The following ZNF827 variants were observed in gnomAD, a reference collection of about 807,000 sequenced individuals.
ZNF827 encodes zinc finger protein 827.
ZNF827 carries 13 observed loss-of-function variants against 102.4 expected under a neutral mutation model. The observed-to-expected ratio is 0.13, with a 90% CI of 0.08 to 0.20. The LOEUF (loss-of-function observed/expected upper bound fraction) is 0.20. ZNF827 is among the 10% of genes least tolerant of loss of function. The pLI, the probability that ZNF827 is intolerant of heterozygous loss-of-function variation, is 1.00. For synonymous variants in ZNF827, 523 were observed against 536.2 expected (o/e 0.98, Z 0.34); for missense variants, 1,103 against 1,344.4 (o/e 0.82, Z 2.81).
intron 8 of ZNF827, among the ~76,000 whole-genome samples, chr4:145,818,301 T>C (rs1158060510): frequency 6.6e-6 from 1 of 152,232 alleles, no homozygotes. Context: ...TGAATTCCTG[T>C]GCTGCCCCTC....
intron 8 of ZNF827, among the ~76,000 whole-genome samples, chr4:145,793,319 A>AATATATATATG (rs1560931107): frequency 5.8e-5 from 8 of 137,816 alleles, no homozygotes; most frequent in South Asian, 2.2e-4. Context: ...ACTTATATAT[A>AATATATATATG]ATATATATCT....
chr4:145,859,042 G>T (rs59003981), intron 5 of ZNF827, among the ~76,000 whole-genome samples: 42,685 of 151,772 alleles, frequency 0.28, 6,472 homozygotes, highest in Non-Finnish European at 0.34. Context: ...CAAGGATATC[G>T]CTGCTGAAAA....
chr4:145,933,825 C>T (rs1035601585), intron 1 of ZNF827, among the ~76,000 whole-genome samples: 1 of 152,018 alleles, frequency 6.6e-6, no homozygotes, highest in Non-Finnish European at 1.5e-5. Flanking sequence ...AACACCCTTC[C>T]TCATCCTTTC....
intron 8 of ZNF827, among the ~76,000 whole-genome samples, chr4:145,805,252 T>A (rs1171579898): frequency 1.3e-5 from 2 of 152,118 alleles, no homozygotes; most frequent in Non-Finnish European, 2.9e-5. Context: ...TAAAAAAGAA[T>A]CCTGGTTTCA....
At chr4:145,769,376 T>G (rs1735904850) in intron 11 of ZNF827, among the ~76,000 whole-genome samples, 1 of 152,194 alleles carries the variant, frequency 6.6e-6, no homozygotes, top group South Asian at 2.1e-4. Context: ...CCTGAATCCC[T>G]GATACTGCAA....
chr4:145,802,440 A>G (rs1035010959), intron 8 of ZNF827, among the ~76,000 whole-genome samples: 1 of 152,348 alleles, frequency 6.6e-6, no homozygotes, highest in East Asian at 1.9e-4. Context: ...GTTTGGATCC[A>G]CAAGGTGTTT....
At chr4:145,818,019 GATAGAA>G (rs758742098) in intron 8 of ZNF827, among the ~76,000 whole-genome samples, 2 of 152,164 alleles carry the variant, frequency 1.3e-5, no homozygotes, top group African/African-American at 2.4e-5. Flanking sequence ...AGAGAGGAAA[GATAGAA>G]ATAGAAGAGA....
At chr4:145,770,029 G>A (rs922698861) in intron 11 of ZNF827, among the ~76,000 whole-genome samples, 1 of 152,216 alleles carries the variant, frequency 6.6e-6, no homozygotes, top group African/African-American at 2.4e-5. Flanking sequence ...TGGGTGCCGT[G>A]GCTCACGCCT....
rs1262527867 is a variant in ZNF827, at chr4:145,892,425, A to C, written c.1094-10T>G. ...CTTTCCTCTTCTGAGGCTTGGAAGA[A>C]GGAGAAAGAAAGGACCATTAAGGAA... On this transcript the variant is annotated splice_polypyrimidine_tract_variant and intron_variant, in intron 2 of 14. Transcript: ENST00000508784. 6.2e-7 allele frequency: 1 copy of C among 1,607,330 alleles called. No individual in the cohort carries two copies. Among genetic ancestry groups the C allele is most frequent in the South Asian group, 1.1e-5 (1 of 90,178 alleles).
At chr4:145,807,041 T>C (rs1049930111) in intron 8 of ZNF827, among the ~76,000 whole-genome samples, 1 of 152,226 alleles carries the variant, frequency 6.6e-6, no homozygotes, top group African/African-American at 2.4e-5. Context: ...ACTGTGATCA[T>C]AGTCGTATTT....
At chr4:145,844,677 CAAATAAATAAATAAAT>C (rs72118300) in intron 7 of ZNF827, among the ~76,000 whole-genome samples, 3,418 of 128,452 alleles carry the variant, frequency 0.027, 64 homozygotes, top group Non-Finnish European at 0.038. Context: ...GAGACTGTCT[CAAATAAATAAATAAAT>C]AAATAAATAA....
At chr4:145,831,638 T>C (rs1255146854) in intron 7 of ZNF827, 1 of 152,214 alleles carries the variant, frequency 6.6e-6, no homozygotes, top group Non-Finnish European at 1.5e-5. Flanking sequence ...ACAGAAACTG[T>C]AGCAATTAAA....
At position 145,851,701 on chromosome 4, in the gene ZNF827, C is replaced by G. The variant is rs577749618; in HGVS notation, c.1982-2140G>C. Among the ~76,000 whole-genome samples the G allele has an allele frequency of 6.6e-5, 10 of 152,284 alleles. No homozygotes were observed. The East Asian group carries it at 1.9e-3, about 29-fold the overall frequency. On this transcript the variant is annotated intron_variant, in intron 5 of 14. Coordinates refer to ENST00000508784, the MANE Select transcript of ZNF827 (RefSeq NM_001306215.2). ...GGTATTTACTTTAGATCCCTCCCCC[C>G]TTTCCCTACTCCTGCCAAGCTGTTT...
intron 1 of ZNF827, chr4:145,907,063 AG>A (rs754528687): frequency 8.8e-6 from 4 of 456,648 alleles, no homozygotes; most frequent in African/African-American, 4.0e-5. Flanking sequence ...GCAATACCTG[AG>A]GTTAAATAAA....
intron 11 of ZNF827, among the ~76,000 whole-genome samples, chr4:145,768,900 T>A (rs1470675356): frequency 2.7e-4 from 6 of 21,888 alleles, no homozygotes; most frequent in African/African-American, 4.0e-4. Flanking sequence ...AATATATATA[T>A]ATATATATAT....
chr4:145,795,909 T>C (rs1740334774), intron 8 of ZNF827, among the ~76,000 whole-genome samples: 1 of 152,216 alleles, frequency 6.6e-6, no homozygotes, highest in South Asian at 2.1e-4. Context: ...ATAAATCATA[T>C]AAAATATGCA....
At chr4:145,849,660 C>T in intron 5 of ZNF827, 99 bp from the exon 6 acceptor site, 1 of 1,555,186 alleles carries the variant, frequency 6.4e-7, no homozygotes, top group Non-Finnish European at 8.7e-7. Flanking sequence ...AAGATTGTGG[C>T]AGGGAAGAGA....
intron 1 of ZNF827, among the ~76,000 whole-genome samples, chr4:145,904,852 A>T (rs1751711710): frequency 6.6e-6 from 1 of 152,176 alleles, no homozygotes; most frequent in African/African-American, 2.4e-5. Flanking sequence ...GTTTGTGGCA[A>T]GCGAGTGTTA....
intron 1 of ZNF827, among the ~76,000 whole-genome samples, chr4:145,909,260 G>C (rs1433675098): frequency 2.0e-5 from 3 of 152,164 alleles, no homozygotes; most frequent in African/African-American, 7.2e-5. Flanking sequence ...GCTCATAGTA[G>C]GGGTATCTGG....
Sources: gnomAD v4.1 joint callset for allele counts (sites outside exome capture counted in the v4.1 genomes callset) on GRCh38, gnomAD v4.1.1 for gene constraint, MANE v1.5 for transcripts, NCBI Gene and HGNC (gene_info 2026-07-23, HGNC 2026-07-21) for gene names.